Variants in OPCML observed in about 807,000 individuals in gnomAD.
OPCML encodes opioid-binding protein/cell adhesion molecule.
Under a neutral mutation model 37.8 loss-of-function variants are expected in OPCML, and 13 were observed. The ratio of observed to expected loss-of-function variants is 0.34; its 90% CI spans 0.22 to 0.55. OPCML has a LOEUF of 0.55. Ranked by LOEUF, OPCML falls within the 20% of genes least tolerant of loss-of-function variation. The pLI is 0.91. For missense variants in OPCML, 341 were observed against 435.6 expected (o/e 0.78, Z 1.93); for synonymous variants, 176 against 168.8 (o/e 1.04, Z -0.33).
intron 1 of OPCML, among the ~76,000 whole-genome samples, chr11:133,503,370 C>G (rs12294146): frequency 0.089 from 13,494 of 152,122 alleles, 944 homozygotes; most frequent in African/African-American, 0.2. Context: ...AGTTTAAACT[C>G]AGCTGGTCAA....
chr11:132,886,598 C>T (rs1943428786), intron 2 of OPCML, among the ~76,000 whole-genome samples: 1 of 152,326 alleles, frequency 6.6e-6, no homozygotes, highest in South Asian at 2.1e-4. Flanking sequence ...GCTGCCTGGC[C>T]TTTTCTGACC....
intron 1 of OPCML, among the ~76,000 whole-genome samples, chr11:133,203,619 A>G (rs2136323790): frequency 6.6e-6 from 1 of 152,368 alleles, no homozygotes; most frequent in Non-Finnish European, 1.5e-5. Flanking sequence ...GTCATTCGCA[A>G]TATCTGGTCA....
At chr11:132,659,414 A>T (rs891069866) in intron 2 of OPCML, among the ~76,000 whole-genome samples, 10 of 152,216 alleles carry the variant, frequency 6.6e-5, no homozygotes, top group Non-Finnish European at 1.2e-4. Context: ...CCTCCTAAAG[A>T]AAGTTCAAAT....
At chr11:132,452,474 T>C (rs1363278998) in intron 4 of OPCML, among the ~76,000 whole-genome samples, 1 of 149,466 alleles carries the variant, frequency 6.7e-6, no homozygotes, top group East Asian at 2.0e-4. Flanking sequence ...TCCACCAGCC[T>C]GCCCTCCCTC....
chr11:133,105,624 A>C (rs2137080198), intron 1 of OPCML, among the ~76,000 whole-genome samples: 1 of 152,328 alleles, frequency 6.6e-6, no homozygotes, highest in East Asian at 1.9e-4. Flanking sequence ...TGGTGGAAAA[A>C]GAAAAATGGC....
intron 1 of OPCML, among the ~76,000 whole-genome samples, chr11:133,052,644 C>T (rs904062084): frequency 1.3e-5 from 2 of 152,164 alleles, no homozygotes; most frequent in African/African-American, 4.8e-5. Flanking sequence ...GGCATGTGGG[C>T]CAGTCCCTTT....
Position 132,448,448 on chromosome 11 carries a change from C to T in OPCML, c.506-11089G>A, listed in dbSNP as rs1031860769. 5.9e-5 allele frequency among the ~76,000 whole-genome samples: 9 copies of T among 152,292 alleles called. No individual in the cohort carries two copies. In the South Asian group the frequency reaches 6.2e-4, roughly 11 times the overall value. On this transcript the variant is annotated intron_variant, in intron 4 of 7. Transcript: ENST00000524381. Reference sequence around the variant, plus strand: ...TAAAGGTCTGAGCTCTGAAGTATCACGAGGAGATAGCATTGCTCATGCACT... The same window carrying T: ...TAAAGGTCTGAGCTCTGAAGTATCATGAGGAGATAGCATTGCTCATGCACT...
At chr11:133,156,837 T>C (rs1025874662) in intron 1 of OPCML, among the ~76,000 whole-genome samples, 1 of 152,106 alleles carries the variant, frequency 6.6e-6, no homozygotes, top group South Asian at 2.1e-4. Flanking sequence ...TTCGTTTTGT[T>C]GTTGCTGTAA....
At chr11:133,099,421 C>T (rs1299562718) in intron 1 of OPCML, among the ~76,000 whole-genome samples, 1 of 150,588 alleles carries the variant, frequency 6.6e-6, no homozygotes, top group Non-Finnish European at 1.5e-5. Context: ...CACCACCACA[C>T]CTGGCTAATT....
intron 2 of OPCML, among the ~76,000 whole-genome samples, chr11:132,927,767 T>A (rs1945046335): frequency 6.6e-6 from 1 of 152,092 alleles, no homozygotes; most frequent in Non-Finnish European, 1.5e-5. Context: ...ATAATAAATC[T>A]ATGTTCATGG....
chr11:132,793,269 A>G (rs572052600), intron 2 of OPCML, among the ~76,000 whole-genome samples: 2 of 152,264 alleles, frequency 1.3e-5, no homozygotes, highest in Admixed American at 1.3e-4. Flanking sequence ...CTTAAATCTG[A>G]GGGGAGTAGG....
chr11:132,791,625 C>A (rs914818457), intron 2 of OPCML, among the ~76,000 whole-genome samples: 1 of 152,136 alleles, frequency 6.6e-6, no homozygotes, highest in African/African-American at 2.4e-5. Context: ...AATGCTAAAA[C>A]CCTGCCTCAA....
chr11:132,766,677 T>G (rs1248757075), intron 2 of OPCML, among the ~76,000 whole-genome samples: 1 of 152,066 alleles, frequency 6.6e-6, no homozygotes, highest in Non-Finnish European at 1.5e-5. Context: ...TTTTAGTATG[T>G]ATTTTGGGGT....
intron 7 of OPCML, among the ~76,000 whole-genome samples, chr11:132,423,331 A>T (rs2095966562): frequency 6.6e-6 from 1 of 152,196 alleles, no homozygotes; most frequent in South Asian, 2.1e-4. Context: ...GGTGTATGAG[A>T]AATGGCTGGG....
chr11:133,311,171 TC>T (rs1346454122), intron 1 of OPCML, among the ~76,000 whole-genome samples: 1 of 152,184 alleles, frequency 6.6e-6, no homozygotes, highest in Non-Finnish European at 1.5e-5. Flanking sequence ...TGCCAACACT[TC>T]AGGGAAAAAC....
intron 1 of OPCML, among the ~76,000 whole-genome samples, chr11:133,051,387 T>TA (rs1201723954): frequency 2.0e-5 from 3 of 152,176 alleles, no homozygotes; most frequent in South Asian, 2.1e-4. Flanking sequence ...GTGAAGCAGT[T>TA]AGAGTCTGCA....
intron 1 of OPCML, among the ~76,000 whole-genome samples, chr11:132,960,856 C>G (rs1308092211): frequency 6.6e-6 from 1 of 152,140 alleles, no homozygotes; most frequent in Non-Finnish European, 1.5e-5. Context: ...ACTGGGGCCC[C>G]GAAGAGAATA....
At chr11:133,157,942 C>T (rs1950085282) in intron 1 of OPCML, among the ~76,000 whole-genome samples, 2 of 152,192 alleles carry the variant, frequency 1.3e-5, no homozygotes, top group Non-Finnish European at 2.9e-5. Flanking sequence ...CAAGAGGCTG[C>T]ATCTCTGGGA....
chr11:133,097,953 C>A (rs532679898), intron 1 of OPCML, among the ~76,000 whole-genome samples: 2 of 152,232 alleles, frequency 1.3e-5, no homozygotes, highest in African/African-American at 4.8e-5. Context: ...GAAATTATAC[C>A]AATTCTCTAC....
Sources: gnomAD v4.1 joint callset for allele counts (sites outside exome capture counted in the v4.1 genomes callset) on GRCh38, gnomAD v4.1.1 for gene constraint, MANE v1.5 for transcripts, NCBI Gene and HGNC (gene_info 2026-07-23, HGNC 2026-07-21) for gene names.